Variants in OPA1 observed in about 807,000 individuals in gnomAD.
The protein encoded by OPA1 is dynamin-like GTPase OPA1, mitochondrial.
Under a neutral mutation model 152.9 loss-of-function variants are expected in OPA1, and 59 were observed. The observed-to-expected ratio is 0.39, with a 90% CI of 0.31 to 0.48. The LOEUF is 0.48. Among genes scored for constraint, OPA1 ranks in the 20% least tolerant of loss-of-function variants. The pLI is 0.96. For synonymous variants in OPA1, 400 were observed against 389.9 expected (o/e 1.03, Z -0.31); for missense variants, 1,008 against 1,216.8 (o/e 0.83, Z 2.55).
At chr3:193,613,374 A>C (rs946421936) in intron 1 of OPA1, among the ~76,000 whole-genome samples, 8 of 152,198 alleles carry the variant, frequency 5.3e-5, no homozygotes, top group Non-Finnish European at 4.4e-5. Context: ...AAAAATTTGT[A>C]AAATAAGGAT....
chr3:193,670,556 C>A (rs552280323), intron 29 of OPA1, among the ~76,000 whole-genome samples: 4 of 151,794 alleles, frequency 2.6e-5, no homozygotes, highest in African/African-American at 9.7e-5. Context: ...TTAGTAGAGA[C>A]GGGGTTTCCC....
At chr3:193,661,007 G>C (rs1715147073) in intron 25 of OPA1, among the ~76,000 whole-genome samples, 1 of 152,200 alleles carries the variant, frequency 6.6e-6, no homozygotes, top group South Asian at 2.1e-4. Flanking sequence ...AAAGTCTCTA[G>C]AACAGTTGGT....
chr3:193,635,568 C>A, intron 9 of OPA1, 46 bp downstream of exon 9: 1 of 1,119,536 alleles, frequency 8.9e-7, no homozygotes, highest in Non-Finnish European at 1.4e-6. Flanking sequence ...TACCGCTTAA[C>A]GTTGTGTGTT....
intron 30 of OPA1, among the ~76,000 whole-genome samples, chr3:193,693,939 A>G (rs1279852470): frequency 6.6e-6 from 1 of 152,130 alleles, no homozygotes; most frequent in Non-Finnish European, 1.5e-5. Context: ...CTTTGCGGGG[A>G]AAAATTGATG....
At chr3:193,627,146 T>C (rs549899270) in intron 7 of OPA1, 2 of 152,304 alleles carry the variant, frequency 1.3e-5, no homozygotes, top group East Asian at 3.9e-4. Context: ...AATCAACCAA[T>C]ATTATAGATT....
At chr3:193,694,026 C>T (rs1033781097) in intron 30 of OPA1, among the ~76,000 whole-genome samples, 2 of 152,140 alleles carry the variant, frequency 1.3e-5, no homozygotes, top group African/African-American at 4.8e-5. Flanking sequence ...GAAAGCCAGC[C>T]AGTGTTTTAC....
chr3:193,693,795 G>C (rs187027352), intron 30 of OPA1, among the ~76,000 whole-genome samples: 1 of 151,446 alleles, frequency 6.6e-6, no homozygotes, highest in Admixed American at 6.5e-5. Context: ...AAACCATTAA[G>C]TGTTACAATA....
chr3:193,656,100 G>A (rs576559783), intron 22 of OPA1, among the ~76,000 whole-genome samples: 5 of 152,246 alleles, frequency 3.3e-5, no homozygotes, highest in Admixed American at 3.3e-4. Context: ...GAGAGCTGCT[G>A]CTACCCCTTC....
chr3:193,631,627 A>G lies in OPA1; in HGVS notation c.805A>G (p.Lys269Glu). The G allele has an allele frequency of 6.2e-7, 1 of 1,611,630 alleles. No homozygotes were observed. Among genetic ancestry groups the G allele is most frequent in the Non-Finnish European group, 8.5e-7 (1 of 1,177,964 alleles). Residue 269 changes from lysine to glutamate, a missense_variant, in exon 8 of 31, where the codon AAA becomes GAA. Physicochemically the swap from Lys to Glu is moderately conservative, Grantham distance 56. Transcript: ENST00000361510. ...QQKRKVSDKE[K>E]IDQLQEELLH... ...AAACATTTAGGTGTCAGACAAAGAGAAAATTGACCAACTTCAGGAAGAACT... is the reference window on the plus strand; with the variant it reads ...AAACATTTAGGTGTCAGACAAAGAGGAAATTGACCAACTTCAGGAAGAACT...
At chr3:193,683,454 A>C (rs565338764) in intron 29 of OPA1, among the ~76,000 whole-genome samples, 1 of 152,266 alleles carries the variant, frequency 6.6e-6, no homozygotes, top group Admixed American at 6.5e-5. Context: ...TTTAAAGAAG[A>C]AAAATTTGAG....
intron 30 of OPA1, among the ~76,000 whole-genome samples, chr3:193,692,587 A>G (rs1359659456): frequency 6.6e-6 from 1 of 152,224 alleles, no homozygotes; most frequent in Admixed American, 6.5e-5. Context: ...AAACATTTAG[A>G]TAAGTGTTTT....
intron 29 of OPA1, among the ~76,000 whole-genome samples, chr3:193,690,586 T>G (rs914582772): frequency 2.0e-5 from 3 of 152,128 alleles, no homozygotes; most frequent in African/African-American, 7.2e-5. Flanking sequence ...CGTGGTAGGC[T>G]TTTTTGAGTT....
chr3:193,663,302 A>T (rs1715734471), intron 26 of OPA1, among the ~76,000 whole-genome samples: 2 of 152,158 alleles, frequency 1.3e-5, no homozygotes, highest in Admixed American at 6.5e-5. Context: ...ATTTCTGTTT[A>T]AAAATGGCAT....
intron 23 of OPA1, among the ~76,000 whole-genome samples, chr3:193,658,418 G>A (rs1714428115): frequency 6.6e-6 from 1 of 151,984 alleles, no homozygotes; most frequent in Non-Finnish European, 1.5e-5. Context: ...CCTTTTAAAT[G>A]TCTACCTTAT....
At chr3:193,685,869 T>G (rs766236964) in intron 29 of OPA1, among the ~76,000 whole-genome samples, 2 of 152,220 alleles carry the variant, frequency 1.3e-5, no homozygotes, top group Non-Finnish European at 2.9e-5. Context: ...CCTGGACAGA[T>G]TCCTTCATTT....
At chr3:193,635,234 C>T (rs1027743664) in intron 8 of OPA1, among the ~76,000 whole-genome samples, 184 bp from the exon 9 acceptor site, 3 of 152,048 alleles carry the variant, frequency 2.0e-5, no homozygotes, top group Non-Finnish European at 4.4e-5. Context: ...ATGATTTCCA[C>T]TGTTTGTAAG....
intron 29 of OPA1, chr3:193,668,579 A>T (rs1717202920): frequency 1.3e-6 from 2 of 1,545,794 alleles, no homozygotes; most frequent in Non-Finnish European, 1.7e-6. Context: ...CTTTGTGGAG[A>T]TACCCTCTTT....
At chr3:193,629,225 A>T (rs990430085) in intron 7 of OPA1, among the ~76,000 whole-genome samples, 3 of 152,042 alleles carry the variant, frequency 2.0e-5, no homozygotes, top group African/African-American at 4.8e-5. Flanking sequence ...CTGTCTTTTA[A>T]TATAACATTA....
At chr3:193,689,143 CA>C (rs2109442120) in intron 29 of OPA1, 1 of 152,300 alleles carries the variant, frequency 6.6e-6, no homozygotes, top group African/African-American at 2.4e-5. Context: ...TACATCATAG[CA>C]GAGTAAGCCA....
Sources: allele counts gnomAD v4.1 joint callset (sites outside exome capture counted in the v4.1 genomes callset), GRCh38; gene constraint gnomAD v4.1.1; transcripts MANE v1.5; gene names NCBI Gene and HGNC (gene_info 2026-07-23, HGNC 2026-07-21).